The following NOTCH2 variants were observed in gnomAD, a reference collection of about 807,000 sequenced individuals.
The protein encoded by NOTCH2 is notch receptor 2.
NOTCH2 carries 29 observed loss-of-function variants against 235.8 expected under a neutral mutation model. The observed-to-expected ratio is 0.12, with a 90% CI of 0.09 to 0.17. The LOEUF (loss-of-function observed/expected upper bound fraction) is 0.17, where lower values mean the gene tolerates loss of function less well. Among genes scored for constraint, NOTCH2 ranks in the 10% least tolerant of loss-of-function variants. NOTCH2 has a pLI of 1.00. For synonymous variants in NOTCH2, 1,086 were observed against 1,141.5 expected, an observed-to-expected ratio of 0.95 and a Z score of 0.98; for missense variants, 2,285 against 3,150.2, an observed-to-expected ratio of 0.73 and a Z score of 6.57.
At chr1:119,999,128 TGA>T (rs1413859984) in intron 3 of NOTCH2, among the ~76,000 whole-genome samples, 3 of 144,414 alleles carry the variant, frequency 2.1e-5, no homozygotes, top group South Asian at 4.7e-4. Flanking sequence ...TTTGCTATTG[TGA>T]ATAGTGCCGC....
chr1:120,067,551 G>T (rs1236986871), intron 1 of NOTCH2, among the ~76,000 whole-genome samples: 1 of 152,010 alleles, frequency 6.6e-6, no homozygotes, highest in Admixed American at 6.6e-5. Flanking sequence ...TCTAAAGCAG[G>T]TTATTCCTTT....
In NOTCH2 at chr1:120,069,403, G is replaced by C; in HGVS notation, c.4C>G (p.Pro2Ala). 4.5e-6 allele frequency: 7 copies of C among 1,545,822 alleles called. No homozygotes were observed. The highest frequency in any genetic ancestry group is 6.1e-6 in the Non-Finnish European group (7 of 1,153,860). Reference sequence around the variant, plus strand: ...CACAGCAGAGCGGGGCGCAGGGCGGGCATCTTCTCGGTCGCCTCCTCCTCC... The same window carrying C: ...CACAGCAGAGCGGGGCGCAGGGCGGCCATCTTCTCGGTCGCCTCCTCCTCC... M[P>A]ALRPALLWAL... The change falls in exon 1 of 34, where the codon CCC becomes GCC. Residue 2 changes from proline to alanine, a missense_variant. By Grantham distance (27) the Pro-to-Ala change is conservative. Around this residue, in one of 6 missense-constraint regions of NOTCH2, gnomAD observed 37 missense variants for 31.4 expected, o/e 1.18. Transcript: ENST00000256646.
chr1:119,941,775 T>C, intron 17 of NOTCH2, 21 bp from the exon 18 acceptor site: 1 of 1,554,158 alleles, frequency 6.4e-7, no homozygotes, highest in Non-Finnish European at 8.9e-7. Context: ...ACAAAAGAAT[T>C]AGACCTCTGA....
At chr1:120,028,820 T>C (rs1381233684) in intron 2 of NOTCH2, among the ~76,000 whole-genome samples, 1 of 146,984 alleles carries the variant, frequency 6.8e-6, no homozygotes, top group African/African-American at 2.5e-5. Flanking sequence ...AATTTCATAT[T>C]ACCAAATTTT....
Position 119,917,695 on chromosome 1 carries a change from A to G in NOTCH2, c.5997T>C (p.Asn1999=), listed in dbSNP as rs1649133836. Residue 1999 remains asparagine (N), a synonymous_variant, in exon 33 of 34, where the codon AAT becomes AAC. Coordinates refer to ENST00000256646, the MANE Select transcript of NOTCH2 (RefSeq NM_024408.4). ...TGTCCTGCATGTCTCGGTTGGCCCC[A>G]TTTTTCAACAACAAAAGAGTTGCCT... ...NVEATLLLLK[N]GANRDMQDNK... is the part of the protein sequence containing the mutation. 6.2e-7 allele frequency: 1 copy of G among 1,613,806 alleles called. No individual in the cohort carries two copies. Among genetic ancestry groups the G allele is most frequent in the Non-Finnish European group, 8.5e-7 (1 of 1,179,856 alleles).
chr1:120,045,664 C>T (rs587754178), intron 1 of NOTCH2, among the ~76,000 whole-genome samples: 1 of 152,130 alleles, frequency 6.6e-6, no homozygotes, highest in Non-Finnish European at 1.5e-5. Flanking sequence ...AGAGATACAA[C>T]CTAATTCACA....
At chr1:120,067,161 C>T (rs1406148244) in intron 1 of NOTCH2, among the ~76,000 whole-genome samples, 1 of 152,010 alleles carries the variant, frequency 6.6e-6, no homozygotes, top group African/African-American at 2.4e-5. Context: ...GGTACCTTAG[C>T]AAAACACAAT....
intron 15 of NOTCH2, 127 bp from the exon 16 acceptor site, chr1:119,949,253 C>A: frequency 1.0e-6 from 1 of 964,300 alleles, no homozygotes; most frequent in Non-Finnish European, 1.6e-6. Flanking sequence ...AATGGAGAAG[C>A]CCATGATCTT....
Position 119,916,610 on chromosome 1 carries a change from T to A in NOTCH2, c.6112A>T (p.Ile2038Phe). The A allele has an allele frequency of 6.2e-7, 1 of 1,614,206 alleles. No homozygotes were observed. Among genetic ancestry groups the A allele is most frequent in the Non-Finnish European group, 8.5e-7 (1 of 1,180,034 alleles). Residue 2038 changes from isoleucine to phenylalanine, a missense_variant, in exon 34 of 34, where the codon ATC (isoleucine) becomes TTC (phenylalanine). Around this residue, in one of 6 missense-constraint regions of NOTCH2, gnomAD observed 128 missense variants for 255.9 expected, o/e 0.50. Transcript: ENST00000256646. ...ILLDHFANRD[I>F]TDHMDRLPRD... Reference sequence around the variant, plus strand: ...GGAAGACGATCCATATGGTCTGTGATGTCTCGATTGGCAAAATGGTCTAAC... The same window carrying A: ...GGAAGACGATCCATATGGTCTGTGAAGTCTCGATTGGCAAAATGGTCTAAC...
intron 19 of NOTCH2, among the ~76,000 whole-genome samples, chr1:119,939,385 C>T (rs1649985618): frequency 1.3e-5 from 2 of 152,206 alleles, no homozygotes; most frequent in South Asian, 4.1e-4. Context: ...CATGTATAGC[C>T]ACCCTGTAAT....
Position 120,069,583 on chromosome 1 carries a change from GTCCGCCGCTCCTCGGCCGCCGCCTCA to G in NOTCH2, c.-203_-178del. The G allele has an allele frequency of 3.5e-6, 5 of 1,409,992 alleles. No homozygotes were observed. Among genetic ancestry groups the G allele is most frequent in the Non-Finnish European group, 4.6e-6 (5 of 1,091,686 alleles). The allele number at this position is 1,409,992 out of a possible 1,614,324, so 87.3% of individuals were successfully genotyped here. On this transcript the variant is annotated 5_prime_UTR_variant, in exon 1 of 34. Coordinates refer to ENST00000256646, the MANE Select transcript of NOTCH2 (RefSeq NM_024408.4). ...AATGCCTCGACTCCCCGCGCCCCGA[GTCCGCCGCTCCTCGGCCGCCGCCTCA>G]GCCGCCGCCCGAAGTTTGGCTGAAA... is the stretch of plus-strand genomic sequence containing the variant.
At chr1:119,967,784 G>A (rs587675116) in intron 7 of NOTCH2, among the ~76,000 whole-genome samples, 163 bp from the exon 8 acceptor site, 17 of 152,258 alleles carry the variant, frequency 1.1e-4, no homozygotes, top group East Asian at 9.6e-4. Context: ...AAATAAAAGC[G>A]GAGTATCCTC....
chr1:119,926,148 G>A (rs1387409000), intron 24 of NOTCH2, among the ~76,000 whole-genome samples: 1 of 152,204 alleles, frequency 6.6e-6, no homozygotes, highest in Non-Finnish European at 1.5e-5. Context: ...TCTGGGCAGT[G>A]AGATTACCCT....
At chr1:119,935,190 T>C in intron 22 of NOTCH2, 2 of 1,280,072 alleles carry the variant, frequency 1.6e-6, no homozygotes, top group Non-Finnish European at 2.0e-6. Context: ...ACCAGGCTAA[T>C]TTTTTAATGT....
chr1:119,925,178 A>G, intron 25 of NOTCH2, 127 bp downstream of exon 25: 1 of 1,184,850 alleles, frequency 8.4e-7, no homozygotes, highest in South Asian at 1.2e-5. Flanking sequence ...CGATGGGACA[A>G]GGCTGGCACC....
chr1:119,932,748 C>T (rs1649714752), intron 22 of NOTCH2, among the ~76,000 whole-genome samples: 2 of 152,062 alleles, frequency 1.3e-5, no homozygotes, highest in South Asian at 4.2e-4. Context: ...AATATTCTAT[C>T]TTCAGAGTAA....
intron 5 of NOTCH2, among the ~76,000 whole-genome samples, chr1:119,978,342 A>G (rs782522026): frequency 1.3e-5 from 2 of 152,192 alleles, no homozygotes; most frequent in Non-Finnish European, 2.9e-5. Context: ...CCTTGGGACT[A>G]AATCCAAAGA....
chr1:119,974,206 C>T (rs1348632745), intron 5 of NOTCH2, among the ~76,000 whole-genome samples: 2 of 152,204 alleles, frequency 1.3e-5, no homozygotes, highest in African/African-American at 2.4e-5. Context: ...TGTATCATCA[C>T]CTGTGTCAAC....
At chr1:120,022,547 CTCT>C (rs1173520123) in intron 2 of NOTCH2, among the ~76,000 whole-genome samples, 9 of 33,846 alleles carry the variant, frequency 2.7e-4, no homozygotes, top group Non-Finnish European at 5.8e-4. Flanking sequence ...CTTCACTGCC[CTCT>C]TCTTCTATTT....
Sources: gnomAD v4.1 joint callset for allele counts (sites outside exome capture counted in the v4.1 genomes callset) on GRCh38, gnomAD v4.1.1 for gene constraint, gnomAD v4.1.1 regional missense constraint, MANE v1.5 for transcripts, NCBI Gene and HGNC (gene_info 2026-07-23, HGNC 2026-07-21) for gene names.